The following VPS13A variants were observed in gnomAD, a reference collection of about 807,000 sequenced individuals.
The protein encoded by VPS13A is vacuolar protein sorting 13 homolog A, also known as intermembrane lipid transfer protein VPS13A.
VPS13A carries 264 observed loss-of-function variants against 390.9 expected under a neutral mutation model. That is an observed-to-expected ratio of 0.68 (90% confidence interval 0.61 to 0.75). The LOEUF (loss-of-function observed/expected upper bound fraction) is 0.75. VPS13A is among the 30% of genes least tolerant of loss of function. The probability of loss-of-function intolerance (pLI) is 0.00; values close to 1 mark genes in which losing one functional copy is unlikely to be tolerated. For synonymous variants in VPS13A, 1,231 were observed against 1,227.1 expected, an observed-to-expected ratio of 1.00 and a Z score of -0.07; for missense variants, 3,409 against 3,733.9, an observed-to-expected ratio of 0.91 and a Z score of 2.27.
chr9:77,314,411 C>A, intron 36 of VPS13A, 84 bp from the exon 37 acceptor site: 1 of 1,369,080 alleles, frequency 7.3e-7, no homozygotes. Flanking sequence ...TAAGCAGAGG[C>A]AATAATTTGT....
intron 5 of VPS13A, among the ~76,000 whole-genome samples, chr9:77,208,574 A>G (rs920466463): frequency 3.3e-5 from 5 of 151,954 alleles, no homozygotes; most frequent in African/African-American, 1.2e-4. Flanking sequence ...TTTTGAGACA[A>G]AGTCTCACTT....
intron 59 of VPS13A, 26 bp downstream of exon 59, chr9:77,360,667 A>G: frequency 6.7e-7 from 1 of 1,490,958 alleles, no homozygotes; most frequent in Non-Finnish European, 9.4e-7. Flanking sequence ...ATAACATTTG[A>G]TGGAAAGGAT....
At position 77,417,870 on chromosome 9, in the gene VPS13A, C is replaced by G. The variant is rs954665747; in HGVS notation, c.*1864C>G. 4 of 152,086 alleles carry G rather than the reference C, an allele frequency of 2.6e-5. No individual in the cohort carries two copies. Among genetic ancestry groups the G allele is most frequent in the African/African-American group, 9.7e-5 (4 of 41,394 alleles). The allele number at this position is 152,086 out of a possible 1,614,324, so 9.4% of individuals were successfully genotyped here. On this transcript the variant is annotated 3_prime_UTR_variant, in exon 72 of 72. Coordinates refer to ENST00000360280, the MANE Select transcript of VPS13A (RefSeq NM_033305.3). ...AGGATAGTGCCTGTCTTTCCTGTTC[C>G]CTTGCCATAAGAACCGTGAAATCTC...
chr9:77,308,434 A>G (rs1011817412), intron 35 of VPS13A, among the ~76,000 whole-genome samples: 5 of 151,500 alleles, frequency 3.3e-5, no homozygotes, highest in African/African-American at 1.2e-4. Context: ...CTCATTTTCC[A>G]TTTTTCTCCC....
intron 33 of VPS13A, among the ~76,000 whole-genome samples, chr9:77,298,083 T>C (rs1488401563): frequency 1.3e-5 from 2 of 152,166 alleles, no homozygotes; most frequent in East Asian, 3.8e-4. Flanking sequence ...ATGATACACT[T>C]CACTGAGATA....
intron 59 of VPS13A, among the ~76,000 whole-genome samples, chr9:77,363,630 G>A (rs1019194737): frequency 1.5e-4 from 23 of 150,174 alleles, no homozygotes; most frequent in Non-Finnish European, 3.1e-4. Context: ...GTGTTTTTTT[G>A]TTCTGACCTC....
chr9:77,329,623 A>G lies in VPS13A; in HGVS notation c.5992-2387A>G, dbSNP rs187684210. On this transcript the variant is annotated intron_variant, in intron 45 of 71. Coordinates refer to ENST00000360280, the MANE Select transcript of VPS13A (RefSeq NM_033305.3). ...AAAATGAAAAGATTGAAATATTGTG[A>G]GAGTTACCAAAATATGACAGTGAGG... Among the ~76,000 whole-genome samples, 402 of 152,350 alleles carry G rather than the reference A, an allele frequency of 2.6e-3. 3 individuals carry two copies. Among genetic ancestry groups the G allele is most frequent in the Non-Finnish European group, 3.0e-3 (201 of 68,028 alleles).
intron 1 of VPS13A, among the ~76,000 whole-genome samples, chr9:77,184,855 G>A (rs1223885859): frequency 1.3e-5 from 2 of 152,054 alleles, no homozygotes; most frequent in African/African-American, 4.8e-5. Flanking sequence ...AGATACCAAA[G>A]TCCACAACAG....
intron 34 of VPS13A, among the ~76,000 whole-genome samples, chr9:77,306,044 T>C (rs1484525997): frequency 6.6e-6 from 1 of 151,154 alleles, no homozygotes; most frequent in Non-Finnish European, 1.5e-5. Flanking sequence ...TTTATTTTCA[T>C]CTTATTATAT....
chr9:77,340,508 T>C lies in VPS13A; in HGVS notation c.6984T>C (p.Ala2328=), dbSNP rs144477984. The change falls in exon 50 of 72, where the codon GCT becomes GCC. Residue 2328 remains alanine, a synonymous_variant. Coordinates refer to ENST00000360280, the MANE Select transcript of VPS13A (RefSeq NM_033305.3). ...AAAGCAAATACCATATATCAGTGGC[T>C]GAAGAAGGAAATGATAAATGGCTCT... ...KNKSKYHISV[A]EEGNDKWLSL... is the part of the protein sequence containing the mutation. 4.5e-5 allele frequency: 73 copies of C among 1,613,114 alleles called. No individual in the cohort carries two copies. The African/African-American group carries it at 8.8e-4, about 19-fold the overall frequency.
chr9:77,381,714 C>T lies in VPS13A; in HGVS notation c.9078-262C>T, dbSNP rs183164694. The stretch of plus-strand genomic sequence containing the variant: ...ATAGCATTATACTAAAGAAACTAGA[C>T]AACGTAATAGGAAAAGAAAAAGCAA... On this transcript the variant is annotated intron_variant, in intron 67 of 71. Coordinates refer to ENST00000360280, the MANE Select transcript of VPS13A (RefSeq NM_033305.3). 5.0e-3 allele frequency among the ~76,000 whole-genome samples: 757 copies of T among 152,022 alleles called. 3 individuals are homozygous for T. Among genetic ancestry groups the T allele is most frequent in the Non-Finnish European group, 8.2e-3 (560 of 67,966 alleles).
chr9:77,356,592 C>T, intron 54 of VPS13A, 122 bp from the exon 55 acceptor site: 2 of 1,073,872 alleles, frequency 1.9e-6, no homozygotes, highest in East Asian at 2.6e-5. Context: ...GTAATATGCT[C>T]ACTTGTAATT....
chr9:77,184,530 A>AT (rs1173010690), intron 1 of VPS13A, among the ~76,000 whole-genome samples: 1 of 152,152 alleles, frequency 6.6e-6, no homozygotes, highest in Admixed American at 6.5e-5. Flanking sequence ...GAGACACGAG[A>AT]ATCGCTTGAA....
At chr9:77,330,985 C>T (rs956970232) in intron 45 of VPS13A, among the ~76,000 whole-genome samples, 3 of 151,930 alleles carry the variant, frequency 2.0e-5, no homozygotes, top group Non-Finnish European at 4.4e-5. Flanking sequence ...CACTGTTCAC[C>T]TTGTTTTGCT....
chr9:77,218,931 A>G (rs1213268573), intron 10 of VPS13A, among the ~76,000 whole-genome samples: 5 of 152,180 alleles, frequency 3.3e-5, no homozygotes, highest in African/African-American at 1.2e-4. Flanking sequence ...GGCCGTGTTC[A>G]GCTCCTTAGG....
intron 67 of VPS13A, among the ~76,000 whole-genome samples, chr9:77,375,406 A>G (rs905014549): frequency 1.8e-4 from 28 of 152,324 alleles, no homozygotes; most frequent in African/African-American, 5.3e-4. Flanking sequence ...AAAACATAAT[A>G]AAATGCAATT....
intron 54 of VPS13A, 111 bp downstream of exon 54, chr9:77,353,752 C>A: frequency 9.3e-7 from 1 of 1,079,658 alleles, no homozygotes; most frequent in Non-Finnish European, 1.4e-6. Flanking sequence ...TTTGACTATT[C>A]ATTGATACTG....
chr9:77,257,100 G>C (rs1825492943), intron 22 of VPS13A, among the ~76,000 whole-genome samples: 1 of 151,924 alleles, frequency 6.6e-6, no homozygotes, highest in African/African-American at 2.4e-5. Context: ...TGCCCTTTGT[G>C]TTCAGTGGAT....
intron 17 of VPS13A, 43 bp from the exon 18 acceptor site, chr9:77,237,958 CA>C: frequency 6.9e-7 from 1 of 1,444,864 alleles, no homozygotes; most frequent in Non-Finnish European, 9.6e-7. Flanking sequence ...AAATCCTTCA[CA>C]ATTTTACTGA....
Sources: gnomAD v4.1 joint callset for allele counts (sites outside exome capture counted in the v4.1 genomes callset) on GRCh38, gnomAD v4.1.1 for gene constraint, MANE v1.5 for transcripts, NCBI Gene and HGNC (gene_info 2026-07-23, HGNC 2026-07-21) for gene names.